Variants in CLSTN1 observed in about 807,000 individuals in gnomAD.
CLSTN1 encodes calsyntenin 1, also known as calsyntenin-1.
Under a neutral mutation model 108.3 loss-of-function variants are expected in CLSTN1, and 28 were observed. The observed-to-expected ratio is 0.26, with a 90% confidence interval of 0.19 to 0.35. The LOEUF is 0.35. Among genes scored for constraint, CLSTN1 ranks in the 10% least tolerant of loss-of-function variants. The probability of loss-of-function intolerance (pLI) is 1.00; values close to 1 mark genes in which losing one functional copy is unlikely to be tolerated. For missense variants in CLSTN1, 1,157 were observed against 1,302.6 expected, an observed-to-expected ratio of 0.89 and a Z score of 1.72; for synonymous variants, 524 against 534.9, an observed-to-expected ratio of 0.98 and a Z score of 0.28.
intron 9 of CLSTN1, among the ~76,000 whole-genome samples, chr1:9,741,750 G>C (rs1313241843): frequency 1.3e-5 from 2 of 152,064 alleles, no homozygotes. Flanking sequence ...CATCTCTACT[G>C]AAAATACAAA....
intron 10 of CLSTN1, among the ~76,000 whole-genome samples, chr1:9,739,752 GTTTTTC>G (rs1650875383): frequency 6.6e-6 from 1 of 151,494 alleles, no homozygotes; most frequent in African/African-American, 2.4e-5. Flanking sequence ...GAATACACAG[GTTTTTC>G]TTTTTCTTTT....
In CLSTN1 at chr1:9,759,564, G is replaced by A. The variant is rs541937301; in HGVS notation, c.215-3054C>T. Among the ~76,000 whole-genome samples the A allele has an allele frequency of 2.6e-5, 4 of 152,350 alleles. No individual in the cohort carries two copies. The East Asian group carries it at 7.7e-4, about 29-fold the overall frequency. ...CCCAAAGTGCTGAGATTACTGGCGT[G>A]AGCCACCGCGCCTGGCCTCAAATAC... is the stretch of plus-strand genomic sequence containing the variant. On this transcript the variant is annotated intron_variant, in intron 2 of 18. Coordinates refer to ENST00000377298, the MANE Select transcript of CLSTN1 (RefSeq NM_001009566.3).
In CLSTN1 at chr1:9,743,908, T is replaced by C. The variant is rs1165374888; in HGVS notation, c.1332A>G (p.Ala444=). ...DPSEEKKYRP[A]EFHWKLNQVC... ...CCTGATTCAACTTCCAGTGGAACTC[T>C]GCAGGTCTGTATTTCTTCTCCTCAG... is the stretch of plus-strand genomic sequence containing the variant. The change falls in exon 9 of 19, where the codon GCA becomes GCG. Residue 444 remains alanine (A), a synonymous_variant. Transcript: ENST00000377298. 6.2e-7 allele frequency: 1 copy of C among 1,614,154 alleles called. No individual in the cohort carries two copies. The highest frequency in any genetic ancestry group is 1.7e-5 in the Admixed American group (1 of 60,024).
At position 9,749,750 on chromosome 1, in the gene CLSTN1, A is replaced by G; in HGVS notation, c.799+14T>C. 1 of 1,613,780 alleles carries G rather than the reference A, an allele frequency of 6.2e-7. No individual in the cohort carries two copies. Among genetic ancestry groups the G allele is most frequent in the Non-Finnish European group, 8.5e-7 (1 of 1,179,874 alleles). Reference sequence around the variant, plus strand: ...AAGAGCAGATGTGAGCGCAGGGGAGAGAATGAAGCTCACCTTGCCACCCAG... The same window carrying G: ...AAGAGCAGATGTGAGCGCAGGGGAGGGAATGAAGCTCACCTTGCCACCCAG... On this transcript the variant is annotated intron_variant, in intron 6 of 18. Coordinates refer to ENST00000377298, the MANE Select transcript of CLSTN1 (RefSeq NM_001009566.3).
intron 1 of CLSTN1, among the ~76,000 whole-genome samples, chr1:9,793,560 T>G (rs1277021310): frequency 6.6e-6 from 1 of 151,458 alleles, no homozygotes; most frequent in African/African-American, 2.4e-5. Flanking sequence ...TCACAGAAGG[T>G]TCATGAATGG....
chr1:9,766,706 C>T (rs1652353721), intron 2 of CLSTN1, among the ~76,000 whole-genome samples: 1 of 152,168 alleles, frequency 6.6e-6, no homozygotes, highest in African/African-American at 2.4e-5. Context: ...TTTTCTGACC[C>T]ATGACTACTC....
At chr1:9,777,968 C>CT (rs1653038505) in intron 1 of CLSTN1, among the ~76,000 whole-genome samples, 1 of 152,034 alleles carries the variant, frequency 6.6e-6, no homozygotes, top group Non-Finnish European at 1.5e-5. Context: ...GTTCCAACAC[C>CT]TGGGGAGAAG....
intron 3 of CLSTN1, 44 bp from the exon 4 acceptor site, chr1:9,755,353 ATCT>A: frequency 6.6e-7 from 1 of 1,516,592 alleles, no homozygotes; most frequent in Non-Finnish European, 9.1e-7. Flanking sequence ...TACCACATAG[ATCT>A]TCTGCACCTT....
intron 1 of CLSTN1, among the ~76,000 whole-genome samples, chr1:9,807,660 G>A (rs1654563120): frequency 6.6e-6 from 1 of 152,360 alleles, no homozygotes; most frequent in South Asian, 2.1e-4. Context: ...ACCGTGAAGA[G>A]GCAGGGCCTG....
intron 1 of CLSTN1, among the ~76,000 whole-genome samples, chr1:9,813,129 C>G (rs899134490): frequency 2.0e-5 from 3 of 152,156 alleles, no homozygotes; most frequent in African/African-American, 7.2e-5. Flanking sequence ...TACACCACTG[C>G]ACTCCAGCCT....
At chr1:9,780,953 C>CA in intron 1 of CLSTN1, 1 of 439,238 alleles carries the variant, frequency 2.3e-6, no homozygotes, top group Non-Finnish European at 4.0e-6. Context: ...TTTGATCCAT[C>CA]ACATGAGGTG....
intron 1 of CLSTN1, among the ~76,000 whole-genome samples, chr1:9,814,351 T>C (rs897458212): frequency 1.3e-5 from 2 of 151,894 alleles, no homozygotes; most frequent in African/African-American, 4.8e-5. Context: ...AGGACGGAGA[T>C]TGCAGTGAGC....
rs1458724149 is a variant in CLSTN1 at position 9,823,381 on chromosome 1, T to C, written c.91+262A>G. ...CAGGAGCCCCGCCCGGGACGGAGCCTGGCTTCCCCGGGACGCCTGCAGCGC... is the reference window on the plus strand; with the variant it reads ...CAGGAGCCCCGCCCGGGACGGAGCCCGGCTTCCCCGGGACGCCTGCAGCGC... On this transcript the variant is annotated intron_variant, in intron 1 of 18. Transcript: ENST00000377298. This position sits in a 1 kb window ranked among gnomAD's most constrained non-coding sequence, Gnocchi z 6.3. Among the ~76,000 whole-genome samples, 4 of 152,048 alleles carry C rather than the reference T, an allele frequency of 2.6e-5. No homozygotes were observed. Among genetic ancestry groups the C allele is most frequent in the African/African-American group, 4.8e-5 (2 of 41,412 alleles).
rs1390103094 is a variant in CLSTN1, at chr1:9,730,265, T to C, written c.*243A>G. ...GGCCTGAGGCGCTGGGAGGCCCCTGTGCGAGCCGGATGGCGGCCAGAGAGG... is the reference window on the plus strand; with the variant it reads ...GGCCTGAGGCGCTGGGAGGCCCCTGCGCGAGCCGGATGGCGGCCAGAGAGG... On this transcript the variant is annotated 3_prime_UTR_variant, in exon 19 of 19. Transcript: ENST00000377298. This position sits in a 1 kb window ranked among gnomAD's most constrained non-coding sequence, Gnocchi z 5.6. 1 of 573,306 alleles carries C rather than the reference T, an allele frequency of 1.7e-6. No individual in the cohort carries two copies. The highest frequency in any genetic ancestry group is 3.1e-6 in the Non-Finnish European group (1 of 319,292). 35.5% of individuals were successfully genotyped at this position (573,306 alleles called of 1,614,324 possible).
chr1:9,739,918 G>A (rs932990566), intron 10 of CLSTN1, among the ~76,000 whole-genome samples: 2 of 148,938 alleles, frequency 1.3e-5, no homozygotes, highest in Non-Finnish European at 3.0e-5. Context: ...CTGGGTTCAC[G>A]CCATTCTCCT....
chr1:9,813,618 A>G (rs1329518541), intron 1 of CLSTN1, among the ~76,000 whole-genome samples: 1 of 152,196 alleles, frequency 6.6e-6, no homozygotes, highest in East Asian at 1.9e-4. Context: ...GTCAATCTTC[A>G]TCATTAACTA....
At chr1:9,820,302 T>C (rs1655144016) in intron 1 of CLSTN1, among the ~76,000 whole-genome samples, 1 of 152,082 alleles carries the variant, frequency 6.6e-6, no homozygotes, top group Admixed American at 6.6e-5. Flanking sequence ...GGCGGATCAC[T>C]TGAGGTCAGA....
intron 1 of CLSTN1, among the ~76,000 whole-genome samples, chr1:9,817,116 C>T (rs1484535955): frequency 6.6e-6 from 1 of 152,192 alleles, no homozygotes; most frequent in Non-Finnish European, 1.5e-5. Context: ...CCTATAATCT[C>T]GGCTCTTTGA....
In CLSTN1 at chr1:9,744,282, G is replaced by A. The variant is rs1651136172; in HGVS notation, c.1234+113C>T. On this transcript the variant is annotated intron_variant, in intron 8 of 18. Coordinates refer to ENST00000377298, the MANE Select transcript of CLSTN1 (RefSeq NM_001009566.3). The stretch of plus-strand genomic sequence containing the variant: ...CCCCAGGCACACAGCATGGCACATG[G>A]CCTACGAGCACCAGGCTGGCAGGGG... 4.2e-6 allele frequency: 6 copies of A among 1,431,002 alleles called. No individual in the cohort carries two copies. The Admixed American group carries it at 8.5e-5, about 20-fold the overall frequency. The allele number at this position is 1,431,002 out of a possible 1,614,324, so 88.6% of individuals were successfully genotyped here. A position where few individuals can be genotyped will look rare whatever the true frequency, so the allele number is the denominator to read the frequency against.
Sources: allele counts gnomAD v4.1 joint callset (sites outside exome capture counted in the v4.1 genomes callset), GRCh38; gene constraint gnomAD v4.1.1; non-coding constraint Gnocchi (gnomAD v3.1); transcripts MANE v1.5; gene names NCBI Gene and HGNC (gene_info 2026-07-23, HGNC 2026-07-21).